Variants in MAML3 observed in about 807,000 individuals in gnomAD.
MAML3 encodes the protein mastermind like transcriptional coactivator 3.
A neutral mutation model predicts 101.9 loss-of-function variants in MAML3; 27 were observed. The ratio of observed to expected loss-of-function variants is 0.27; its 90% CI spans 0.20 to 0.37. The LOEUF (loss-of-function observed/expected upper bound fraction) is 0.37, where lower values mean the gene tolerates loss of function less well. MAML3 is among the 10% of genes least tolerant of loss of function. The probability of loss-of-function intolerance (pLI) is 1.00; values close to 1 mark genes in which losing one functional copy is unlikely to be tolerated. For missense variants in MAML3, 1,316 were observed against 1,444.9 expected (o/e 0.91, Z 1.45); for synonymous variants, 501 against 555.9 (o/e 0.90, Z 1.39).
intron 2 of MAML3, among the ~76,000 whole-genome samples, chr4:139,802,403 T>C (rs1730625745): frequency 6.6e-6 from 1 of 152,168 alleles, no homozygotes; most frequent in East Asian, 1.9e-4. Flanking sequence ...TTCACTGTTT[T>C]CCCATGAGCA....
At chr4:139,882,506 G>A (rs958443124) in intron 2 of MAML3, among the ~76,000 whole-genome samples, 1 of 152,114 alleles carries the variant, frequency 6.6e-6, no homozygotes, top group African/African-American at 2.4e-5. Context: ...GAAGTCAGAG[G>A]ACCATGAAGA....
At chr4:139,723,272 G>A (rs899046930) in intron 4 of MAML3, among the ~76,000 whole-genome samples, 1 of 152,160 alleles carries the variant, frequency 6.6e-6, no homozygotes, top group Non-Finnish European at 1.5e-5. Context: ...TCTCTGGATG[G>A]TGGGATTTCA....
At chr4:139,855,235 C>T (rs973907901) in intron 2 of MAML3, among the ~76,000 whole-genome samples, 8 of 152,286 alleles carry the variant, frequency 5.3e-5, no homozygotes, top group Admixed American at 2.0e-4. Context: ...TCATCCTATG[C>T]TACGTGCTGG....
rs115966786 is a variant in MAML3 at position 139,958,874 on chromosome 4, A to G, written c.469-67907T>C. 8.3e-3 allele frequency among the ~76,000 whole-genome samples: 1,270 copies of G among 152,358 alleles called. 9 individuals are homozygous for G. The highest frequency in any genetic ancestry group is 0.013 in the Non-Finnish European group (862 of 68,028). ...GACAATGATACTAATTACTTCGTAG[A>G]GCTTGTGCTTGCATTGTTATTCTTG... is the stretch of plus-strand genomic sequence containing the variant. On this transcript the variant is annotated intron_variant, in intron 1 of 4. Coordinates refer to ENST00000509479, the MANE Select transcript of MAML3 (RefSeq NM_018717.5).
intron 1 of MAML3, among the ~76,000 whole-genome samples, chr4:140,018,393 A>G (rs1004263568): frequency 6.6e-6 from 1 of 152,370 alleles, no homozygotes; most frequent in East Asian, 1.9e-4. Context: ...TGTAGCAGTG[A>G]AAGAGCAAAT....
chr4:140,098,522 C>T (rs958192751), intron 1 of MAML3, among the ~76,000 whole-genome samples: 2 of 152,214 alleles, frequency 1.3e-5, no homozygotes, highest in Admixed American at 1.3e-4. Context: ...CCAGATTCCC[C>T]CTTTCTTATC....
At chr4:139,980,849 C>T (rs1337632194) in intron 1 of MAML3, among the ~76,000 whole-genome samples, 3 of 152,102 alleles carry the variant, frequency 2.0e-5, no homozygotes, top group African/African-American at 4.8e-5. Context: ...TGGTGGTCAG[C>T]CTCACTCAGA....
chr4:140,058,210 A>AT (rs1442400207), intron 1 of MAML3, among the ~76,000 whole-genome samples: 1 of 152,162 alleles, frequency 6.6e-6, no homozygotes, highest in African/African-American at 2.4e-5. Context: ...AAAAAGTAAA[A>AT]TAGACCCATG....
intron 2 of MAML3, among the ~76,000 whole-genome samples, chr4:139,751,696 A>C (rs183535280): frequency 1.3e-5 from 2 of 152,322 alleles, no homozygotes; most frequent in Admixed American, 1.3e-4. Flanking sequence ...GGTGGGTTTG[A>C]TGGACCCCAG....
intron 1 of MAML3, among the ~76,000 whole-genome samples, chr4:140,097,644 A>AG (rs397879246): frequency 1.3e-5 from 2 of 151,866 alleles, no homozygotes; most frequent in African/African-American, 4.8e-5. Context: ...AAAAAAAAAA[A>AG]GGTTAATTTT....
Position 140,034,311 on chromosome 4 carries a change from G to T in MAML3, c.468+118549C>A, listed in dbSNP as rs2110896268. On this transcript the variant is annotated intron_variant, in intron 1 of 4. Transcript: ENST00000509479. ...ACATCTGATGTGAGATAGTCTGGTT[G>T]TGATTTGACTTAGACAGAAATGGAG... Among the ~76,000 whole-genome samples, 3 of 152,330 alleles carry T rather than the reference G, an allele frequency of 2.0e-5. No individual in the cohort carries two copies. In the South Asian group the frequency reaches 6.2e-4, roughly 32 times the overall value.
chr4:139,997,607 T>C lies in MAML3; in HGVS notation c.469-106640A>G, dbSNP rs181786171. 2.0e-4 allele frequency among the ~76,000 whole-genome samples: 30 copies of C among 152,272 alleles called. 1 individual carries two copies. The highest frequency in any genetic ancestry group is 2.0e-3 in the Admixed American group (30 of 15,292). Reference sequence around the variant, plus strand: ...AAATAAGATAAATATAATTATATAGTCACTTATATGAACCCACATATTTGC... The same window carrying C: ...AAATAAGATAAATATAATTATATAGCCACTTATATGAACCCACATATTTGC... On this transcript the variant is annotated intron_variant, in intron 1 of 4. Transcript: ENST00000509479.
chr4:139,825,962 C>T (rs938807681), intron 2 of MAML3, among the ~76,000 whole-genome samples: 13 of 152,036 alleles, frequency 8.6e-5, no homozygotes, highest in Admixed American at 3.9e-4. Flanking sequence ...ATTTGTAACC[C>T]GGGGTCGGGA....
chr4:140,025,193 A>T (rs563799210), intron 1 of MAML3, among the ~76,000 whole-genome samples: 1 of 152,320 alleles, frequency 6.6e-6, no homozygotes, highest in African/African-American at 2.4e-5. Flanking sequence ...TAATTTGATT[A>T]TGGGTTAGGT....
At chr4:140,145,878 C>CTTTTCT (rs1553981310) in intron 1 of MAML3, among the ~76,000 whole-genome samples, 13 of 108,476 alleles carry the variant, frequency 1.2e-4, no homozygotes, top group African/African-American at 3.5e-4. Context: ...TTTCTTTTTT[C>CTTTTCT]TTTTTTTTTT....
At chr4:140,144,548 C>CAAAAAAAAAAAAAAAAAA (rs758787783) in intron 1 of MAML3, among the ~76,000 whole-genome samples, 1 of 95,966 alleles carries the variant, frequency 1.0e-5, no homozygotes, top group Non-Finnish European at 2.2e-5. Context: ...AAAGCAAAAC[C>CAAAAAAAAAAAAAAAAAA]AAAAAAAAAA....
intron 3 of MAML3, among the ~76,000 whole-genome samples, chr4:139,729,175 A>C (rs1383879575): frequency 6.6e-6 from 1 of 151,808 alleles, no homozygotes; most frequent in African/African-American, 2.4e-5. Flanking sequence ...AAAAAAAAAA[A>C]AAAAGGGAAC....
In MAML3 at chr4:139,725,678, T is replaced by C. The variant is rs972076707; in HGVS notation, c.2416+73A>G. ...GACACAAATACAGCCAGTAAGGCAA[T>C]GCCTCTGGCTACACATTCACTTACG... is the stretch of plus-strand genomic sequence containing the variant. On this transcript the variant is annotated intron_variant, in intron 4 of 4. Coordinates refer to ENST00000509479, the MANE Select transcript of MAML3 (RefSeq NM_018717.5). 6 of 1,411,790 alleles carry C rather than the reference T, an allele frequency of 4.2e-6. No individual in the cohort carries two copies. The African/African-American group carries it at 8.5e-5, about 20-fold the overall frequency. The allele number at this position is 1,411,790 out of a possible 1,614,324, so 87.5% of individuals were successfully genotyped here. A position where few individuals can be genotyped will look rare whatever the true frequency, so the allele number is the denominator to read the frequency against.
chr4:139,856,065 ACTGT>A (rs1396993085), intron 2 of MAML3, among the ~76,000 whole-genome samples: 5 of 152,130 alleles, frequency 3.3e-5, no homozygotes, highest in East Asian at 1.9e-4. Flanking sequence ...CTGCAGTGCA[ACTGT>A]CTGTCTATCT....
Sources: gnomAD v4.1 joint callset for allele counts (sites outside exome capture counted in the v4.1 genomes callset) on GRCh38, gnomAD v4.1.1 for gene constraint, MANE v1.5 for transcripts, NCBI Gene and HGNC (gene_info 2026-07-23, HGNC 2026-07-21) for gene names.